CYSTM1: variants seen among roughly 807,000 people sequenced by gnomAD.
CYSTM1 encodes the protein cysteine rich transmembrane module containing 1, also known as cysteine-rich transmembrane module-containing protein 1.
Under a neutral mutation model 13.1 loss-of-function variants are expected in CYSTM1, and 4 were observed. The observed-to-expected ratio is 0.31, with a 90% CI of 0.15 to 0.70. The LOEUF is 0.70. Among genes scored for constraint, CYSTM1 ranks in the 30% least tolerant of loss-of-function variants. The pLI is 0.72. For missense variants in CYSTM1, 96 were observed against 121.6 expected (o/e 0.79, Z 0.99); for synonymous variants, 36 against 42.7 (o/e 0.84, Z 0.62).
chr5:140,197,995 G>GT (rs1251263415), intron 2 of CYSTM1, among the ~76,000 whole-genome samples: 1 of 152,184 alleles, frequency 6.6e-6, no homozygotes, highest in Middle Eastern at 3.4e-3. Context: ...CCCACCTTTT[G>GT]TTTTTTTAAG....
intron 1 of CYSTM1, among the ~76,000 whole-genome samples, chr5:140,181,655 T>C (rs1218377085): frequency 6.6e-6 from 1 of 152,156 alleles, no homozygotes; most frequent in Non-Finnish European, 1.5e-5. Flanking sequence ...GTTAATTTTT[T>C]ATTTATATTT....
At chr5:140,204,809 T>G (rs1764278571) in intron 2 of CYSTM1, among the ~76,000 whole-genome samples, 1 of 152,118 alleles carries the variant, frequency 6.6e-6, no homozygotes, top group Non-Finnish European at 1.5e-5. Context: ...ATATGCTCAG[T>G]AAATACGTGT....
chr5:140,209,721 C>A (rs529975954), intron 2 of CYSTM1, among the ~76,000 whole-genome samples: 2 of 152,284 alleles, frequency 1.3e-5, no homozygotes, highest in African/African-American at 4.8e-5. Flanking sequence ...AGCCACCGTG[C>A]CCAGTAATTT....
chr5:140,211,684 C>T (rs1030318426), intron 2 of CYSTM1, among the ~76,000 whole-genome samples: 10 of 152,316 alleles, frequency 6.6e-5, no homozygotes, highest in African/African-American at 2.2e-4. Context: ...CAGTGGCTCA[C>T]GCCTGTAATC....
At chr5:140,226,505 A>ATTTATATATATATAATATATAT (rs1491024017) in intron 2 of CYSTM1, among the ~76,000 whole-genome samples, 1 of 80,462 alleles carries the variant, frequency 1.2e-5, no homozygotes, top group African/African-American at 4.2e-5. Flanking sequence ...AATATATATA[A>ATTTATATATATATAATATATAT]ATATATATTA....
At chr5:140,209,695 TG>T (rs1397478370) in intron 2 of CYSTM1, among the ~76,000 whole-genome samples, 2 of 152,198 alleles carry the variant, frequency 1.3e-5, no homozygotes, top group Non-Finnish European at 2.9e-5. Context: ...CCCAAAGTGC[TG>T]GGATTACAGG....
At chr5:140,218,263 T>A (rs1442909691) in intron 2 of CYSTM1, among the ~76,000 whole-genome samples, 1 of 152,186 alleles carries the variant, frequency 6.6e-6, no homozygotes, top group Non-Finnish European at 1.5e-5. Context: ...TTGTTCATTT[T>A]TCAAAAAGAC....
chr5:140,180,941 A>G (rs758403349), intron 1 of CYSTM1, among the ~76,000 whole-genome samples: 19 of 152,208 alleles, frequency 1.2e-4, no homozygotes, highest in South Asian at 2.1e-4. Flanking sequence ...GATTATTTGT[A>G]CTAAAGAATC....
chr5:140,212,225 G>A (rs1012960035), intron 2 of CYSTM1, among the ~76,000 whole-genome samples: 6 of 152,092 alleles, frequency 3.9e-5, no homozygotes, highest in Non-Finnish European at 2.9e-5. Flanking sequence ...ATGCACCGCC[G>A]CATAAGGATG....
chr5:140,236,639 G>A (rs1764684254), intron 2 of CYSTM1, among the ~76,000 whole-genome samples: 1 of 152,192 alleles, frequency 6.6e-6, no homozygotes, highest in African/African-American at 2.4e-5. Flanking sequence ...ATCTAAGGCA[G>A]TAGCTGTACA....
intron 1 of CYSTM1, among the ~76,000 whole-genome samples, chr5:140,177,122 C>T (rs1763900889): frequency 6.6e-6 from 1 of 150,706 alleles, no homozygotes; most frequent in African/African-American, 2.4e-5. Flanking sequence ...TGAGTTTCTC[C>T]GTGTAAGGCT....
Position 140,239,926 on chromosome 5 carries a change from C to T in CYSTM1, c.188-3379C>T, listed in dbSNP as rs1279880240. 3.9e-5 allele frequency among the ~76,000 whole-genome samples: 6 copies of T among 152,178 alleles called. No homozygotes were observed. Among genetic ancestry groups the T allele is most frequent in the Non-Finnish European group, 5.9e-5 (4 of 68,028 alleles). On this transcript the variant is annotated intron_variant, in intron 2 of 2. Coordinates refer to ENST00000261811, the MANE Select transcript of CYSTM1 (RefSeq NM_032412.4). The surrounding 1 kb of genome is among the most constrained non-coding windows in gnomAD (Gnocchi z 5.4). ...CGGTTGAATAGGGTGGTCTGAGACA[C>T]TAGATAGCGAATGAGGGATGAGCCT...
At chr5:140,215,381 A>G (rs926593965) in intron 2 of CYSTM1, among the ~76,000 whole-genome samples, 1 of 152,058 alleles carries the variant, frequency 6.6e-6, no homozygotes, top group South Asian at 2.1e-4. Context: ...ACAGTAACAC[A>G]AGTGTGAGGA....
At chr5:140,210,206 C>G (rs938588793) in intron 2 of CYSTM1, among the ~76,000 whole-genome samples, 2 of 152,110 alleles carry the variant, frequency 1.3e-5, no homozygotes, top group Non-Finnish European at 2.9e-5. Context: ...AATGTAGATA[C>G]CATTGTGTAT....
chr5:140,207,374 T>G (rs2126662345), intron 2 of CYSTM1, among the ~76,000 whole-genome samples: 1 of 152,358 alleles, frequency 6.6e-6, no homozygotes, highest in Admixed American at 6.5e-5. Flanking sequence ...TTGCTGATCC[T>G]CAGCTTGGAG....
chr5:140,195,969 T>A (rs1581061631), intron 2 of CYSTM1, among the ~76,000 whole-genome samples: 1 of 150,794 alleles, frequency 6.6e-6, no homozygotes, highest in East Asian at 2.0e-4. Flanking sequence ...GGCTTGAACC[T>A]GGGAGGCAGA....
intron 2 of CYSTM1, among the ~76,000 whole-genome samples, chr5:140,218,386 G>A (rs2126666423): frequency 6.6e-6 from 1 of 152,256 alleles, no homozygotes; most frequent in South Asian, 2.1e-4. Flanking sequence ...TGTCCTTCAG[G>A]TCTCTGTCTT....
intron 2 of CYSTM1, among the ~76,000 whole-genome samples, chr5:140,210,566 T>C (rs927277571): frequency 6.6e-6 from 1 of 151,772 alleles, no homozygotes; most frequent in African/African-American, 2.4e-5. Flanking sequence ...CAGGTTGGAG[T>C]GCAGTGGTGC....
chr5:140,240,444 C>T (rs1764734512), intron 2 of CYSTM1, among the ~76,000 whole-genome samples: 1 of 151,824 alleles, frequency 6.6e-6, no homozygotes, highest in Non-Finnish European at 1.5e-5. Flanking sequence ...GGGTGACTCG[C>T]ACTGCCAGCT....
Sources: gnomAD v4.1 joint callset for allele counts (sites outside exome capture counted in the v4.1 genomes callset) on GRCh38, gnomAD v4.1.1 for gene constraint, Gnocchi (gnomAD v3.1) non-coding constraint, MANE v1.5 for transcripts, NCBI Gene and HGNC (gene_info 2026-07-23, HGNC 2026-07-21) for gene names.